The following SRPK2 variants were observed in gnomAD, a reference collection of about 807,000 sequenced individuals.
SRPK2 encodes the protein SFRS protein kinase 2.
In SRPK2, 21 loss-of-function variants were observed where a neutral mutation model predicts 90.8. The ratio of observed to expected loss-of-function variants is 0.23; its 90% confidence interval spans 0.16 to 0.33. The LOEUF (loss-of-function observed/expected upper bound fraction) is 0.33, where lower values mean the gene tolerates loss of function less well. Ranked by LOEUF, SRPK2 falls within the 10% of genes least tolerant of loss-of-function variation. The pLI, the probability that SRPK2 is intolerant of heterozygous loss-of-function variation, is 1.00. For synonymous variants in SRPK2, 288 were observed against 311.1 expected (o/e 0.93, Z 0.78); for missense variants, 620 against 869.0 (o/e 0.71, Z 3.60).
At chr7:105,271,717 T>G (rs1008743728) in intron 2 of SRPK2, among the ~76,000 whole-genome samples, 1 of 152,204 alleles carries the variant, frequency 6.6e-6, no homozygotes, top group South Asian at 2.1e-4. Context: ...CCTCTACCTC[T>G]TGAGCCATCC....
At chr7:105,263,174 T>C (rs1469440502) in intron 2 of SRPK2, among the ~76,000 whole-genome samples, 1 of 151,972 alleles carries the variant, frequency 6.6e-6, no homozygotes, top group African/African-American at 2.4e-5. Context: ...AATACAAAAA[T>C]TAGCCGGGCG....
At chr7:105,138,106 G>A (rs1318303627) in intron 11 of SRPK2, among the ~76,000 whole-genome samples, 1 of 152,238 alleles carries the variant, frequency 6.6e-6, no homozygotes, top group African/African-American at 2.4e-5. Context: ...GATGGTATGT[G>A]TGTTGGACAC....
upstream of SRPK2, among the ~76,000 whole-genome samples, chr7:105,391,224 A>G (rs966733849): frequency 1.3e-5 from 2 of 151,750 alleles, no homozygotes; most frequent in African/African-American, 2.4e-5. Context: ...TTATTTATTG[A>G]GATGGAATTT....
chr7:105,309,217 A>G (rs1440613161), intron 2 of SRPK2, among the ~76,000 whole-genome samples: 1 of 151,774 alleles, frequency 6.6e-6, no homozygotes, highest in East Asian at 1.9e-4. Context: ...GTCTATAAAT[A>G]TTTGCTGAAG....
intron 2 of SRPK2, among the ~76,000 whole-genome samples, chr7:105,385,001 C>A (rs565263345): frequency 2.6e-5 from 4 of 150,984 alleles, no homozygotes; most frequent in African/African-American, 9.7e-5. Flanking sequence ...CTCAGCCTCC[C>A]GAGTAGCTGG....
chr7:105,363,403 T>C (rs938375350), intron 2 of SRPK2, among the ~76,000 whole-genome samples: 4 of 152,296 alleles, frequency 2.6e-5, no homozygotes, highest in South Asian at 2.1e-4. Flanking sequence ...AAGACATTTA[T>C]GCAACCAACA....
At chr7:105,290,370 C>T (rs1415090593) in intron 2 of SRPK2, among the ~76,000 whole-genome samples, 2 of 152,054 alleles carry the variant, frequency 1.3e-5, no homozygotes, top group Non-Finnish European at 2.9e-5. Flanking sequence ...TGGCACACAC[C>T]TGTGGTCCCA....
intron 2 of SRPK2, among the ~76,000 whole-genome samples, chr7:105,357,731 C>T (rs538662681): frequency 6.6e-6 from 1 of 151,134 alleles, no homozygotes; most frequent in East Asian, 2.0e-4. Context: ...GCAACAAGAG[C>T]AAGACTCCGT....
At chr7:105,176,470 T>A (rs1054305535) in intron 3 of SRPK2, among the ~76,000 whole-genome samples, 10 of 151,580 alleles carry the variant, frequency 6.6e-5, no homozygotes, top group African/African-American at 2.4e-4. Flanking sequence ...GCAAAATAAA[T>A]AAAAAGGCAT....
intron 2 of SRPK2, among the ~76,000 whole-genome samples, chr7:105,302,402 GCTGT>G (rs1290339841): frequency 6.6e-6 from 1 of 152,176 alleles, no homozygotes; most frequent in African/African-American, 2.4e-5. Flanking sequence ...TGGTGGATGT[GCTGT>G]CTTTTAAAGG....
chr7:105,381,319 G>A (rs1264200168), intron 2 of SRPK2, among the ~76,000 whole-genome samples: 1 of 152,094 alleles, frequency 6.6e-6, no homozygotes, highest in Non-Finnish European at 1.5e-5. Context: ...GCTCAAGCCT[G>A]TAATCCCAAC....
intron 2 of SRPK2, among the ~76,000 whole-genome samples, chr7:105,367,137 T>G (rs1489653978): frequency 6.6e-6 from 1 of 151,938 alleles, no homozygotes; most frequent in Non-Finnish European, 1.5e-5. Flanking sequence ...TCCTCCCACC[T>G]GGGTGTCCCA....
chr7:105,227,820 CA>C (rs1181431486), intron 2 of SRPK2, among the ~76,000 whole-genome samples: 1 of 132,746 alleles, frequency 7.5e-6, no homozygotes, highest in East Asian at 2.3e-4. Flanking sequence ...AAAGTAAAAA[CA>C]ATCCAAATGT....
intron 2 of SRPK2, among the ~76,000 whole-genome samples, chr7:105,346,304 G>T (rs1319522099): frequency 6.6e-6 from 1 of 152,004 alleles, no homozygotes; most frequent in African/African-American, 2.4e-5. Context: ...TCCTTTCCTA[G>T]AAAGTGAAGG....
At chr7:105,285,385 CAAAAAAAAAAAAAA>C (rs58399129) in intron 2 of SRPK2, among the ~76,000 whole-genome samples, 1 of 106,236 alleles carries the variant, frequency 9.4e-6, no homozygotes, top group Non-Finnish European at 1.9e-5. Flanking sequence ...ACCCCGTCTC[CAAAAAAAAAAAAAA>C]AAAAAAAAGG....
chr7:105,259,788 G>C (rs1803936365), intron 2 of SRPK2, among the ~76,000 whole-genome samples: 1 of 152,172 alleles, frequency 6.6e-6, no homozygotes, highest in Non-Finnish European at 1.5e-5. Flanking sequence ...AATGGGGAAA[G>C]CATTCCCTAT....
At chr7:105,209,422 C>T (rs1796591049) in intron 2 of SRPK2, among the ~76,000 whole-genome samples, 1 of 152,158 alleles carries the variant, frequency 6.6e-6, no homozygotes, top group East Asian at 1.9e-4. Flanking sequence ...CACACATCTA[C>T]AGTCCCAGCT....
chr7:105,175,897 A>G (rs772567779), intron 3 of SRPK2, among the ~76,000 whole-genome samples: 64 of 152,286 alleles, frequency 4.2e-4, no homozygotes, highest in Middle Eastern at 3.4e-3. Flanking sequence ...ATGCATTGGT[A>G]TATTTTATCT....
At chr7:105,249,048 T>C (rs994930879) in intron 2 of SRPK2, among the ~76,000 whole-genome samples, 1 of 152,168 alleles carries the variant, frequency 6.6e-6, no homozygotes, top group African/African-American at 2.4e-5. Context: ...ACCAAGGACA[T>C]CACACCTCGT....
Sources: allele counts gnomAD v4.1 joint callset (sites outside exome capture counted in the v4.1 genomes callset), GRCh38; gene constraint gnomAD v4.1.1; transcripts MANE v1.5; gene names NCBI Gene and HGNC (gene_info 2026-07-23, HGNC 2026-07-21).